The following EVI5 variants were observed in gnomAD, a reference collection of about 807,000 sequenced individuals.
EVI5 encodes the protein ecotropic viral integration site 5.
A neutral mutation model predicts 112.0 loss-of-function variants in EVI5; 73 were observed. That is an observed-to-expected ratio of 0.65 (90% CI 0.54 to 0.79). The LOEUF (loss-of-function observed/expected upper bound fraction) is 0.79. EVI5 is among the 30% of genes least tolerant of loss of function. EVI5 has a pLI of 0.00. For missense variants in EVI5, 900 were observed against 968.8 expected (o/e 0.93, Z 0.94); for synonymous variants, 305 against 319.9 (o/e 0.95, Z 0.50).
intron 18 of EVI5, among the ~76,000 whole-genome samples, chr1:92,578,567 A>C (rs975639610): frequency 6.6e-6 from 1 of 151,804 alleles, no homozygotes; most frequent in Admixed American, 6.6e-5. Flanking sequence ...AAATACAAAA[A>C]ATTAGCTGGG....
chr1:92,624,756 G>C (rs925166090), intron 15 of EVI5, among the ~76,000 whole-genome samples: 3 of 105,250 alleles, frequency 2.9e-5, no homozygotes, highest in African/African-American at 1.1e-4. Context: ...TGAGAAGAAA[G>C]ACAGGCAATT....
chr1:92,514,906 G>C (rs1308236389), intron 19 of EVI5, among the ~76,000 whole-genome samples: 2 of 152,186 alleles, frequency 1.3e-5, no homozygotes, highest in African/African-American at 4.8e-5. Context: ...TCTCCATCCT[G>C]TTATAATAGC....
intron 1 of EVI5, chr1:92,749,201 G>A: frequency 9.5e-6 from 3 of 314,348 alleles, no homozygotes; most frequent in Non-Finnish European, 1.3e-5. Context: ...CCAGTAGAGG[G>A]CACACTCTTG....
At chr1:92,553,682 C>A (rs1023749775) in intron 19 of EVI5, among the ~76,000 whole-genome samples, 5 of 152,150 alleles carry the variant, frequency 3.3e-5, no homozygotes, top group Admixed American at 6.5e-5. Flanking sequence ...AATCAGCCAA[C>A]CTCGGTCTCA....
chr1:92,632,664 T>C (rs1657450193), intron 14 of EVI5, among the ~76,000 whole-genome samples: 3 of 152,222 alleles, frequency 2.0e-5, no homozygotes, highest in Admixed American at 1.3e-4. Flanking sequence ...TTTTTATGTC[T>C]CTATTTCCTT....
intron 13 of EVI5, among the ~76,000 whole-genome samples, chr1:92,653,975 C>T (rs1020096244): frequency 2.0e-5 from 3 of 152,052 alleles, no homozygotes; most frequent in African/African-American, 4.8e-5. Context: ...GGCTCCCTGC[C>T]TCTCTGCAGA....
At chr1:92,618,921 A>C (rs1653857683) in intron 16 of EVI5, among the ~76,000 whole-genome samples, 1 of 152,216 alleles carries the variant, frequency 6.6e-6, no homozygotes, top group African/African-American at 2.4e-5. Flanking sequence ...ACTTTATGTA[A>C]TAGTATTTGA....
At chr1:92,724,208 C>T (rs1026907427) in intron 2 of EVI5, among the ~76,000 whole-genome samples, 3 of 151,982 alleles carry the variant, frequency 2.0e-5, no homozygotes, top group Admixed American at 6.6e-5. Flanking sequence ...TTTTGCAGCT[C>T]GGGGTCATCA....
intron 4 of EVI5, 69 bp from the exon 5 acceptor site, chr1:92,702,284 A>C: frequency 1.0e-5 from 8 of 769,528 alleles, no homozygotes; most frequent in African/African-American, 1.9e-5. Flanking sequence ...AAAACCTAAA[A>C]TTGGCAAGAC....
intron 1 of EVI5, among the ~76,000 whole-genome samples, chr1:92,738,951 T>C (rs1157435578): frequency 1.3e-5 from 2 of 152,030 alleles, no homozygotes; most frequent in Admixed American, 1.3e-4. Flanking sequence ...GTCTATCTCA[T>C]AGAGGTGTTA....
intron 18 of EVI5, among the ~76,000 whole-genome samples, chr1:92,577,230 C>A (rs1671223228): frequency 6.6e-6 from 1 of 152,226 alleles, no homozygotes; most frequent in African/African-American, 2.4e-5. Flanking sequence ...TTCTCCTGTT[C>A]TGTCAGGCAT....
chr1:92,783,491 A>G (rs944282040), intron 1 of EVI5, among the ~76,000 whole-genome samples: 4 of 112,638 alleles, frequency 3.6e-5, no homozygotes, highest in African/African-American at 1.3e-4. Flanking sequence ...CTTAAAAAAA[A>G]AAAAAAAAAA....
In EVI5 at chr1:92,509,570, T is replaced by C. The variant is rs1659063485; in HGVS notation, c.*4086A>G. 6.6e-6 allele frequency: 1 copy of C among 152,026 alleles called. No individual in the cohort carries two copies. Among genetic ancestry groups the C allele is most frequent in the South Asian group, 2.1e-4 (1 of 4,810 alleles). 9.4% of individuals were successfully genotyped at this position (152,026 alleles called of 1,614,324 possible). A position where few individuals can be genotyped will look rare whatever the true frequency, so the allele number is the denominator to read the frequency against. ...TGCAGTGGTTATTCTTTCACAGGTG[T>C]GATCATTACACACTACAGCCCCAAA... On this transcript the variant is annotated 3_prime_UTR_variant, in exon 20 of 20. Transcript: ENST00000684568.
At position 92,666,280 on chromosome 1, in the gene EVI5, T is replaced by C. The variant is rs1664868013; in HGVS notation, c.1159-288A>G. The stretch of plus-strand genomic sequence containing the variant: ...GCAACATGGCGAAACCTCGTCTCTA[T>C]GAAAACTACACACACACACAATTTA... On this transcript the variant is annotated intron_variant, in intron 10 of 19. Coordinates refer to ENST00000684568, the MANE Select transcript of EVI5 (RefSeq NM_001350197.2). Among the ~76,000 whole-genome samples, 13 of 151,730 alleles carry C rather than the reference T, an allele frequency of 8.6e-5. No individual in the cohort carries two copies. In the South Asian group the frequency reaches 2.3e-3, roughly 27 times the overall value.
intron 16 of EVI5, among the ~76,000 whole-genome samples, chr1:92,609,010 A>G (rs1226156737): frequency 6.6e-6 from 1 of 152,240 alleles, no homozygotes; most frequent in Non-Finnish European, 1.5e-5. Context: ...ATGTAGCAAT[A>G]AATGCTAGCT....
intron 19 of EVI5, among the ~76,000 whole-genome samples, chr1:92,561,813 T>C (rs1668679049): frequency 6.6e-6 from 1 of 151,998 alleles, no homozygotes; most frequent in Non-Finnish European, 1.5e-5. Context: ...ATTTTTGTAT[T>C]TTTAGTAGAG....
intron 13 of EVI5, among the ~76,000 whole-genome samples, chr1:92,660,786 A>G (rs1405944249): frequency 6.6e-6 from 1 of 152,030 alleles, no homozygotes; most frequent in East Asian, 1.9e-4. Context: ...AGTGAAAGAA[A>G]GCACACAGGT....
At chr1:92,765,215 C>CTTT (rs533143502) in intron 1 of EVI5, among the ~76,000 whole-genome samples, 8 of 116,418 alleles carry the variant, frequency 6.9e-5, no homozygotes, top group South Asian at 3.0e-4. Flanking sequence ...TTTTTCCTTC[C>CTTT]TTTTTTTTTT....
chr1:92,674,754 T>C (rs904884580), intron 10 of EVI5, among the ~76,000 whole-genome samples: 1 of 151,066 alleles, frequency 6.6e-6, no homozygotes, highest in Admixed American at 6.6e-5. Context: ...AAAAAAAGTA[T>C]AGTCATTCAA....
Sources: allele counts gnomAD v4.1 joint callset (sites outside exome capture counted in the v4.1 genomes callset), GRCh38; gene constraint gnomAD v4.1.1; transcripts MANE v1.5; gene names NCBI Gene and HGNC (gene_info 2026-07-23, HGNC 2026-07-21).